CDH20: variants seen among roughly 807,000 people sequenced by gnomAD.
The protein encoded by CDH20 is cadherin 20.
CDH20 carries 29 observed loss-of-function variants against 74.2 expected under a neutral mutation model. That is an observed-to-expected ratio of 0.39 (90% CI 0.29 to 0.53). The LOEUF is 0.53. Among genes scored for constraint, CDH20 ranks in the 20% least tolerant of loss-of-function variants. CDH20 has a pLI of 0.69. For synonymous variants in CDH20, 469 were observed against 405.4 expected (o/e 1.16, Z -1.88); for missense variants, 988 against 1,048.3 (o/e 0.94, Z 0.79).
intron 1 of CDH20, among the ~76,000 whole-genome samples, chr18:61,409,240 C>T (rs908238749): frequency 2.6e-5 from 4 of 152,230 alleles, no homozygotes; most frequent in African/African-American, 9.6e-5. Flanking sequence ...ACGGTTCTCA[C>T]TGTGGAGAAG....
chr18:61,472,644 A>C (rs1910223549), intron 1 of CDH20, among the ~76,000 whole-genome samples: 1 of 152,222 alleles, frequency 6.6e-6, no homozygotes, highest in African/African-American at 2.4e-5. Flanking sequence ...AAATAGAAAG[A>C]TTGTCTTGGG....
intron 1 of CDH20, among the ~76,000 whole-genome samples, chr18:61,406,798 A>G (rs1912344932): frequency 1.3e-5 from 2 of 152,216 alleles, no homozygotes; most frequent in African/African-American, 4.8e-5. Flanking sequence ...TGAAACATGA[A>G]ATAAAGCCAT....
chr18:61,534,861 C>T (rs888726902), intron 7 of CDH20, among the ~76,000 whole-genome samples: 1 of 151,914 alleles, frequency 6.6e-6, no homozygotes, highest in Non-Finnish European at 1.5e-5. Flanking sequence ...TTCAAAATAG[C>T]TAAAAGAATA....
chr18:61,433,315 C>A (rs1027859722), intron 1 of CDH20, among the ~76,000 whole-genome samples: 2 of 152,056 alleles, frequency 1.3e-5, no homozygotes, highest in Non-Finnish European at 2.9e-5. Context: ...TTTTGTTCAA[C>A]AAAATATAGA....
At chr18:61,336,296 T>C (rs140881968) in intron 1 of CDH20, among the ~76,000 whole-genome samples, 124 of 152,350 alleles carry the variant, frequency 8.1e-4, no homozygotes, top group African/African-American at 2.8e-3. Context: ...CCTCCTCCAT[T>C]GGGTAAAAGC....
chr18:61,356,985 T>C lies in CDH20; in HGVS notation c.-153+23158T>C, dbSNP rs187355636. Among the ~76,000 whole-genome samples the C allele has an allele frequency of 9.2e-5, 14 of 152,300 alleles. No individual in the cohort carries two copies. The East Asian group carries it at 9.6e-4, about 10-fold the overall frequency. Reference sequence around the variant, plus strand: ...CTCAGACATGTAGAAACTAGTTCAATAGCCTGCCTGATAGTACTATTACAA... The same window carrying C: ...CTCAGACATGTAGAAACTAGTTCAACAGCCTGCCTGATAGTACTATTACAA... On this transcript the variant is annotated intron_variant, in intron 1 of 11. Coordinates refer to ENST00000262717, the MANE Select transcript of CDH20 (RefSeq NM_031891.4).
intron 1 of CDH20, among the ~76,000 whole-genome samples, chr18:61,343,701 G>A (rs1433031167): frequency 2.6e-5 from 4 of 152,124 alleles, no homozygotes; most frequent in East Asian, 1.9e-4. Context: ...CAAAATAGCC[G>A]ACCTGACACA....
At chr18:61,406,388 T>C (rs1912330568) in intron 1 of CDH20, among the ~76,000 whole-genome samples, 1 of 152,222 alleles carries the variant, frequency 6.6e-6, no homozygotes. Context: ...TCTACAAATA[T>C]GCATCAAGCA....
intron 6 of CDH20, among the ~76,000 whole-genome samples, chr18:61,514,469 T>C (rs1475604416): frequency 1.3e-5 from 2 of 152,234 alleles, no homozygotes; most frequent in Non-Finnish European, 2.9e-5. Flanking sequence ...CTCAGAGTAA[T>C]TTGATCCTCT....
intron 6 of CDH20, 111 bp downstream of exon 6, chr18:61,507,671 A>T: frequency 1.5e-6 from 1 of 684,252 alleles, no homozygotes; most frequent in Non-Finnish European, 2.2e-6. Context: ...CATCTGATAA[A>T]AGTGCTTTCC....
chr18:61,541,076 A>G (rs995018106), intron 9 of CDH20, among the ~76,000 whole-genome samples: 3 of 152,146 alleles, frequency 2.0e-5, no homozygotes, highest in African/African-American at 7.2e-5. Context: ...TGCAGAATTT[A>G]CAGCCCAAGA....
At chr18:61,450,002 T>C (rs1909327422) in intron 1 of CDH20, among the ~76,000 whole-genome samples, 1 of 151,894 alleles carries the variant, frequency 6.6e-6, no homozygotes, top group Non-Finnish European at 1.5e-5. Flanking sequence ...GAATACTTAC[T>C]AGGTATCAAT....
At chr18:61,363,784 A>G (rs1910773291) in intron 1 of CDH20, among the ~76,000 whole-genome samples, 1 of 152,216 alleles carries the variant, frequency 6.6e-6, no homozygotes, top group Admixed American at 6.5e-5. Context: ...GGATGGTAGT[A>G]ACAGCCTTTT....
chr18:61,385,998 T>C (rs1306232595), intron 1 of CDH20, among the ~76,000 whole-genome samples: 3 of 150,488 alleles, frequency 2.0e-5, no homozygotes, highest in South Asian at 4.3e-4. Flanking sequence ...TAAAAAAAAA[T>C]TAACTTCACT....
intron 1 of CDH20, among the ~76,000 whole-genome samples, chr18:61,350,504 T>A (rs1275770110): frequency 6.6e-6 from 1 of 152,088 alleles, no homozygotes; most frequent in Non-Finnish European, 1.5e-5. Flanking sequence ...CATAAGTGAA[T>A]CACTAGAACT....
intron 4 of CDH20, among the ~76,000 whole-genome samples, chr18:61,501,952 G>A (rs1018197916): frequency 6.6e-6 from 1 of 152,066 alleles, no homozygotes; most frequent in Non-Finnish European, 1.5e-5. Context: ...TGCCCATGGG[G>A]GGCCTTTTAA....
chr18:61,449,675 G>T (rs1043974000), intron 1 of CDH20, among the ~76,000 whole-genome samples: 1 of 151,886 alleles, frequency 6.6e-6, no homozygotes, highest in African/African-American at 2.4e-5. Context: ...AAAGAATTAG[G>T]ATGATCCAAC....
chr18:61,383,486 C>T (rs1025482661), intron 1 of CDH20, among the ~76,000 whole-genome samples: 29 of 152,076 alleles, frequency 1.9e-4, no homozygotes, highest in African/African-American at 6.8e-4. Context: ...TAGACCAAGG[C>T]AGGAGAATCG....
chr18:61,371,825 G>A (rs779266010), intron 1 of CDH20, among the ~76,000 whole-genome samples: 3 of 151,890 alleles, frequency 2.0e-5, no homozygotes, highest in Non-Finnish European at 2.9e-5. Flanking sequence ...AATACATGCC[G>A]CACTGCAAGT....
Sources: gnomAD v4.1 joint callset for allele counts (sites outside exome capture counted in the v4.1 genomes callset) on GRCh38, gnomAD v4.1.1 for gene constraint, MANE v1.5 for transcripts, NCBI Gene and HGNC (gene_info 2026-07-23, HGNC 2026-07-21) for gene names.